Variants in LRIG1 observed in about 807,000 individuals in gnomAD.
The protein encoded by LRIG1 is leucine-rich repeats and immunoglobulin-like domains protein 1.
In LRIG1, 48 loss-of-function variants were observed where a neutral mutation model predicts 99.2. The ratio of observed to expected loss-of-function variants is 0.48; its 90% CI spans 0.38 to 0.62. The LOEUF (loss-of-function observed/expected upper bound fraction) is 0.62. LRIG1 is among the 20% of genes least tolerant of loss of function. The pLI, the probability that LRIG1 is intolerant of heterozygous loss-of-function variation, is 0.00. For synonymous variants in LRIG1, 772 were observed against 596.1 expected, an observed-to-expected ratio of 1.29 and a Z score of -4.30; for missense variants, 1,646 against 1,434.4, an observed-to-expected ratio of 1.15 and a Z score of -2.38.
intron 13 of LRIG1, among the ~76,000 whole-genome samples, chr3:66,384,544 T>A (rs1701266575): frequency 6.6e-6 from 1 of 152,070 alleles, no homozygotes. Context: ...TACATGGCAG[T>A]GCCTATACGG....
chr3:66,385,863 G>T, intron 13 of LRIG1, 118 bp downstream of exon 13: 1 of 935,424 alleles, frequency 1.1e-6, no homozygotes. Flanking sequence ...ATTTAACAGT[G>T]CCCCACAGAA....
At chr3:66,381,886 G>A (rs1421563597) in intron 16 of LRIG1, among the ~76,000 whole-genome samples, 2 of 152,138 alleles carry the variant, frequency 1.3e-5, no homozygotes, top group Admixed American at 1.3e-4. Flanking sequence ...CCCCACCGTT[G>A]GAAGTACCTC....
intron 2 of LRIG1, among the ~76,000 whole-genome samples, chr3:66,455,510 T>C (rs1445078802): frequency 6.6e-6 from 1 of 152,222 alleles, no homozygotes; most frequent in Non-Finnish European, 1.5e-5. Flanking sequence ...CCACTATTCG[T>C]TTAACTGGTG....
At chr3:66,387,114 TG>T (rs1420126201) in intron 12 of LRIG1, 2 of 149,470 alleles carry the variant, frequency 1.3e-5, no homozygotes, top group Admixed American at 1.3e-4. Flanking sequence ...CCAGGGCACA[TG>T]ACTACAACAA....
chr3:66,472,600 T>C (rs545866038), intron 1 of LRIG1, among the ~76,000 whole-genome samples: 1 of 152,270 alleles, frequency 6.6e-6, no homozygotes, highest in Admixed American at 6.5e-5. Flanking sequence ...GCCCATAAAA[T>C]TGCTCCTGGT....
intron 1 of LRIG1, among the ~76,000 whole-genome samples, chr3:66,469,667 T>G (rs181820270): frequency 1.3e-5 from 2 of 152,172 alleles, no homozygotes; most frequent in African/African-American, 4.8e-5. Context: ...AATGTCAAAT[T>G]TGACAAATAT....
chr3:66,501,114 GGCC>G (rs1197621318), upstream of LRIG1: 2 of 150,122 alleles, frequency 1.3e-5, no homozygotes, highest in African/African-American at 4.9e-5. Context: ...CGCGCTCCGC[GGCC>G]GCCTGCTGGC....
chr3:66,402,124 C>A (rs935591226), intron 9 of LRIG1, among the ~76,000 whole-genome samples: 10 of 152,180 alleles, frequency 6.6e-5, no homozygotes, highest in African/African-American at 2.4e-4. Flanking sequence ...CTGCCCCTCC[C>A]TCCGAGGAAT....
rs763466335 is a variant in LRIG1 at position 66,380,732 on chromosome 3, G to A, written c.2900C>T (p.Pro967Leu). 14 of 1,614,066 alleles carry A rather than the reference G, an allele frequency of 8.7e-6. No homozygotes were observed. Among genetic ancestry groups the A allele is most frequent in the East Asian group, 4.5e-5 (2 of 44,884 alleles). The change falls in exon 18 of 19, where the codon CCG (proline) becomes CTG (leucine). Residue 967 changes from proline to leucine, a missense_variant. Pro to Leu is a moderately conservative substitution (Grantham distance 98). Coordinates refer to ENST00000273261, the MANE Select transcript of LRIG1 (RefSeq NM_015541.3). ...AQPSAPNGPE[P>L]GGSDQEHSPH... ...AGAATGCTCTTGGTCACTCCCACCC[G>A]GCTCCGGGCCATTTGGCGCACTTGG...
intron 13 of LRIG1, 102 bp downstream of exon 13, chr3:66,385,879 T>C (rs1701346643): frequency 3.8e-6 from 4 of 1,064,766 alleles, no homozygotes; most frequent in Admixed American, 2.0e-5. Context: ...CAGAAGCATG[T>C]GTGTGTCCTG....
At chr3:66,397,068 C>T (rs1701877436) in intron 11 of LRIG1, among the ~76,000 whole-genome samples, 1 of 152,236 alleles carries the variant, frequency 6.6e-6, no homozygotes. Flanking sequence ...GCTCCATGAA[C>T]CCGTCACAGA....
intron 3 of LRIG1, among the ~76,000 whole-genome samples, chr3:66,433,444 G>A (rs1703245521): frequency 6.6e-6 from 1 of 152,218 alleles, no homozygotes; most frequent in African/African-American, 2.4e-5. Context: ...CATTCCCTGA[G>A]ATTCACATGC....
intron 3 of LRIG1, among the ~76,000 whole-genome samples, chr3:66,418,499 C>T (rs1274156727): frequency 6.6e-6 from 1 of 152,210 alleles, no homozygotes; most frequent in Admixed American, 6.5e-5. Flanking sequence ...TAGCTAACCG[C>T]CCTGTTGTGG....
At chr3:66,423,832 T>A (rs1702894469) in intron 3 of LRIG1, among the ~76,000 whole-genome samples, 1 of 152,218 alleles carries the variant, frequency 6.6e-6, no homozygotes, top group African/African-American at 2.4e-5. Context: ...TGTGTGAAGT[T>A]CATATGCCCC....
intron 1 of LRIG1, 26 bp downstream of exon 1, chr3:66,500,164 G>A (rs1701323695): frequency 3.3e-6 from 5 of 1,501,468 alleles, no homozygotes; most frequent in Non-Finnish European, 4.4e-6. Context: ...CCGGGGCGCA[G>A]AGAGGGCGGA....
In LRIG1 at chr3:66,379,339, C is replaced by T. The variant is rs1025116506; in HGVS notation, c.*924G>A. ...CTGAAAAGTCAGAACTTCCTCCTTT[C>T]TGTCCCCCAAGGCCAATGTAATACT... On this transcript the variant is annotated 3_prime_UTR_variant, in exon 19 of 19. Transcript: ENST00000273261. The T allele has an allele frequency of 2.0e-5, 3 of 152,430 alleles. No homozygotes were observed. Among genetic ancestry groups the T allele is most frequent in the African/African-American group, 7.2e-5 (3 of 41,416 alleles). The allele number at this position is 152,430 out of a possible 1,614,324, so 9.4% of individuals were successfully genotyped here. A position where few individuals can be genotyped will look rare whatever the true frequency, so the allele number is the denominator to read the frequency against.
At chr3:66,461,501 A>G (rs945156627) in intron 2 of LRIG1, among the ~76,000 whole-genome samples, 3 of 152,262 alleles carry the variant, frequency 2.0e-5, no homozygotes, top group African/African-American at 7.2e-5. Context: ...TTTAATTTAC[A>G]TGATAAAGTA....
At chr3:66,394,968 G>A (rs556778322) in intron 11 of LRIG1, among the ~76,000 whole-genome samples, 2 of 152,312 alleles carry the variant, frequency 1.3e-5, no homozygotes, top group African/African-American at 4.8e-5. Context: ...CCAAAACAGA[G>A]AATATTTTCT....
intron 3 of LRIG1, among the ~76,000 whole-genome samples, chr3:66,432,703 T>C (rs1046198323): frequency 6.6e-6 from 1 of 152,108 alleles, no homozygotes; most frequent in Non-Finnish European, 1.5e-5. Context: ...CTAGTCAGGA[T>C]GTGGAACTGC....
Sources: allele counts gnomAD v4.1 joint callset (sites outside exome capture counted in the v4.1 genomes callset), GRCh38; gene constraint gnomAD v4.1.1; transcripts MANE v1.5; gene names NCBI Gene and HGNC (gene_info 2026-07-23, HGNC 2026-07-21).